The following SPRING1 variants were observed in gnomAD, a reference collection of about 807,000 sequenced individuals.
SPRING1 encodes the protein SREBP regulating gene protein.
Under a neutral mutation model 24.7 loss-of-function variants are expected in SPRING1, and 14 were observed. The observed-to-expected ratio is 0.57, with a 90% confidence interval of 0.37 to 0.88. The LOEUF is 0.88. Ranked by LOEUF, SPRING1 falls within the 40% of genes least tolerant of loss-of-function variation. The pLI is 0.00. For synonymous variants in SPRING1, 93 were observed against 106.1 expected, an observed-to-expected ratio of 0.88 and a Z score of 0.76; for missense variants, 255 against 268.4, an observed-to-expected ratio of 0.95 and a Z score of 0.35.
At chr12:116,733,945 C>T (rs1411812415) in intron 1 of SPRING1, among the ~76,000 whole-genome samples, 1 of 152,158 alleles carries the variant, frequency 6.6e-6, no homozygotes, top group African/African-American at 2.4e-5. Flanking sequence ...GGCGTGATCT[C>T]GGCTCACTGC....
At chr12:116,737,328 A>C (rs570249737) in intron 1 of SPRING1, among the ~76,000 whole-genome samples, 7 of 152,174 alleles carry the variant, frequency 4.6e-5, no homozygotes, top group Admixed American at 2.0e-4. Flanking sequence ...AAGAGGAGGA[A>C]GGGAAGGAAG....
In SPRING1 at chr12:116,716,931, C is replaced by A. The variant is rs1281254993; in HGVS notation, c.*879G>T. On this transcript the variant is annotated 3_prime_UTR_variant, in exon 5 of 5. Coordinates refer to ENST00000261318, the MANE Select transcript of SPRING1 (RefSeq NM_024738.4). ...GCCTCTGACCTTCCTGAGGCTCCCA[C>A]TGTACCCTGGCTGAGTAGCCCACAG... 1 of 152,234 alleles carries A rather than the reference C, an allele frequency of 6.6e-6. No individual in the cohort carries two copies. The highest frequency in any genetic ancestry group is 1.5e-5 in the Non-Finnish European group (1 of 68,040). The allele number at this position is 152,234 out of a possible 1,614,324, so 9.4% of individuals were successfully genotyped here. A position where few individuals can be genotyped will look rare whatever the true frequency, so the allele number is the denominator to read the frequency against.
In SPRING1 at chr12:116,733,330, G is replaced by A. The variant is rs371467210; in HGVS notation, c.111+4460C>T. Among the ~76,000 whole-genome samples the A allele has an allele frequency of 8.6e-4, 129 of 150,590 alleles. 1 individual carries two copies. Among genetic ancestry groups the A allele is most frequent in the African/African-American group, 2.9e-3 (116 of 40,264 alleles). On this transcript the variant is annotated intron_variant, in intron 1 of 4. Coordinates refer to ENST00000261318, the MANE Select transcript of SPRING1 (RefSeq NM_024738.4). ...CCTGAGTAGCTGGGACTACAGGCGC[G>A]TGCCACCAAGCCTGGTTAATTTTTT... is the stretch of plus-strand genomic sequence containing the variant.
Position 116,713,337 on chromosome 12 carries a change from G to A in SPRING1, c.*4473C>T, listed in dbSNP as rs2137023607. 6.6e-6 allele frequency: 1 copy of A among 152,372 alleles called. No individual in the cohort carries two copies. Among genetic ancestry groups the A allele is most frequent in the East Asian group, 1.9e-4 (1 of 5,194 alleles). 9.4% of individuals were successfully genotyped at this position (152,372 alleles called of 1,614,324 possible). On this transcript the variant is annotated 3_prime_UTR_variant, in exon 5 of 5. Coordinates refer to ENST00000261318, the MANE Select transcript of SPRING1 (RefSeq NM_024738.4). ...ACAAAGGCTGCTTTCATATAAAAAT[G>A]TACTGTAGTAATCAGTAAGAAAAAG... is the stretch of plus-strand genomic sequence containing the variant.
At position 116,723,105 on chromosome 12, in the gene SPRING1, T is replaced by C. The variant is rs757966863; in HGVS notation, c.230A>G (p.Asn77Ser). ...NSSRPSNQCR[N>S]SIQGKHLITD... ...GATGAGGTGCTTCCCTTGAATGGAG[T>C]TGCGGCACTGATTGCTCGGACGACT... is the stretch of plus-strand genomic sequence containing the variant. The change falls in exon 2 of 5, where the codon AAC (asparagine) becomes AGC (serine). Residue 77 changes from asparagine to serine, a missense_variant. Asn to Ser is a conservative substitution (Grantham distance 46). Transcript: ENST00000261318. 3.7e-6 allele frequency: 6 copies of C among 1,612,524 alleles called. No individual in the cohort carries two copies. The highest frequency in any genetic ancestry group is 5.1e-6 in the Non-Finnish European group (6 of 1,180,026).
chr12:116,711,568 A>C lies in SPRING1; in HGVS notation c.*6242T>G, dbSNP rs538109724. On this transcript the variant is annotated 3_prime_UTR_variant, in exon 5 of 5. Coordinates refer to ENST00000261318, the MANE Select transcript of SPRING1 (RefSeq NM_024738.4). ...AAGAATAGTGAGATGTGACCAACAT[A>C]GCCTGGAATCTTAAATTACTGATAA... The C allele has an allele frequency of 6.6e-6, 1 of 152,312 alleles. No individual in the cohort carries two copies. Among genetic ancestry groups the C allele is most frequent in the East Asian group, 1.9e-4 (1 of 5,188 alleles). The allele number at this position is 152,312 out of a possible 1,614,324, so 9.4% of individuals were successfully genotyped here. A position where few individuals can be genotyped will look rare whatever the true frequency, so the allele number is the denominator to read the frequency against.
intron 1 of SPRING1, among the ~76,000 whole-genome samples, chr12:116,736,000 C>A (rs1592926451): frequency 7.9e-6 from 1 of 126,468 alleles, no homozygotes; most frequent in Admixed American, 8.4e-5. Context: ...GAGGTCGTCC[C>A]ACTGCACTCC....
At chr12:116,721,731 T>C (rs1870445015) in intron 2 of SPRING1, among the ~76,000 whole-genome samples, 1 of 152,254 alleles carries the variant, frequency 6.6e-6, no homozygotes, top group South Asian at 2.1e-4. Context: ...ATTAAGTTAG[T>C]TAGCATTTTC....
At position 116,723,126 on chromosome 12, in the gene SPRING1, C is replaced by T. The variant is rs140114196; in HGVS notation, c.209G>A (p.Arg70His). The change falls in exon 2 of 5, where the codon CGT (arginine) becomes CAT (histidine). Residue 70 changes from arginine (R) to histidine (H), a missense_variant. Physicochemically the swap from Arg to His is conservative, Grantham distance 29 (BLOSUM62 0). Coordinates refer to ENST00000261318, the MANE Select transcript of SPRING1 (RefSeq NM_024738.4). Reference protein sequence around the residue: ...KVQFNLGNSSRPSNQCRNSIQ... With the variant: ...KVQFNLGNSSHPSNQCRNSIQ... The stretch of plus-strand genomic sequence containing the variant: ...GGAGTTGCGGCACTGATTGCTCGGA[C>T]GACTGCTATTGCCCAAGTTAAACTG... 80 of 1,612,970 alleles carry T rather than the reference C, an allele frequency of 5.0e-5. No individual in the cohort carries two copies. The highest frequency in any genetic ancestry group is 5.7e-5 in the Non-Finnish European group (67 of 1,180,034).
Position 116,720,226 on chromosome 12 carries a change from C to T in SPRING1, c.420+70G>A. On this transcript the variant is annotated intron_variant, in intron 3 of 4. Coordinates refer to ENST00000261318, the MANE Select transcript of SPRING1 (RefSeq NM_024738.4). The surrounding 1 kb of genome is among the most constrained non-coding windows in gnomAD (Gnocchi z 4.0). ...TTTCAGAGGAATCTCACATGAAGAG[C>T]CTAATGCTCATCATAAAACAGAGGC... 1 of 1,509,396 alleles carries T rather than the reference C, an allele frequency of 6.6e-7. No individual in the cohort carries two copies. Among genetic ancestry groups the T allele is most frequent in the Non-Finnish European group, 8.9e-7 (1 of 1,127,880 alleles). The allele number at this position is 1,509,396 out of a possible 1,614,324, so 93.5% of individuals were successfully genotyped here. A position where few individuals can be genotyped will look rare whatever the true frequency, so the allele number is the denominator to read the frequency against.
chr12:116,720,087 A>G lies in SPRING1; in HGVS notation c.420+209T>C. ...CATTAGATATGTGATTAGCAATACAATGATCCATTCTGCAAAAGAACCATT... is the reference window on the plus strand; with the variant it reads ...CATTAGATATGTGATTAGCAATACAGTGATCCATTCTGCAAAAGAACCATT... On this transcript the variant is annotated intron_variant, in intron 3 of 4. Coordinates refer to ENST00000261318, the MANE Select transcript of SPRING1 (RefSeq NM_024738.4). This position sits in a 1 kb window ranked among gnomAD's most constrained non-coding sequence, Gnocchi z 4.0. The G allele has an allele frequency of 1.3e-6, 1 of 743,708 alleles. No homozygotes were observed. Among genetic ancestry groups the G allele is most frequent in the East Asian group, 2.7e-5 (1 of 36,716 alleles). 46.1% of individuals were successfully genotyped at this position (743,708 alleles called of 1,614,324 possible). A position where few individuals can be genotyped will look rare whatever the true frequency, so the allele number is the denominator to read the frequency against.
chr12:116,731,590 A>T lies in SPRING1; in HGVS notation c.111+6200T>A, dbSNP rs961080950. On this transcript the variant is annotated intron_variant, in intron 1 of 4. Coordinates refer to ENST00000261318, the MANE Select transcript of SPRING1 (RefSeq NM_024738.4). ...GAGGGCCCATATCTACCAAAAAAAT[A>T]AATTAATTAATTAGCTGGGTGTGGT... Among the ~76,000 whole-genome samples the T allele has an allele frequency of 2.6e-5, 4 of 152,242 alleles. 1 individual carries two copies. In the South Asian group the frequency reaches 6.2e-4, roughly 24 times the overall value.
Position 116,736,100 on chromosome 12 carries a change from TA to T in SPRING1, c.111+1689del, listed in dbSNP as rs1309227521. ...AATTTTATGTCGTATTTTACCACAATAAAAAAAAATTGAAAAAAAAAAAAGA... is the reference window on the plus strand; with the variant it reads ...AATTTTATGTCGTATTTTACCACAATAAAAAAAATTGAAAAAAAAAAAAGA... On this transcript the variant is annotated intron_variant, in intron 1 of 4. Transcript: ENST00000261318. Among the ~76,000 whole-genome samples the T allele has an allele frequency of 2.7e-3, 81 of 29,918 alleles. No individual in the cohort carries two copies. The South Asian group carries it at 0.033, about 12-fold the overall frequency. The allele number at this position is 29,918 out of a possible 152,430, so 19.6% of individuals were successfully genotyped here.
intron 1 of SPRING1, among the ~76,000 whole-genome samples, chr12:116,733,824 T>C (rs1489282206): frequency 1.3e-5 from 2 of 152,182 alleles, no homozygotes; most frequent in African/African-American, 4.8e-5. Context: ...CCGCAACAAC[T>C]TCCAGTCCTG....
At position 116,712,563 on chromosome 12, in the gene SPRING1, C is replaced by T. The variant is rs187518605; in HGVS notation, c.*5247G>A. 96 of 152,276 alleles carry T rather than the reference C, an allele frequency of 6.3e-4. No individual in the cohort carries two copies. Among genetic ancestry groups the T allele is most frequent in the African/African-American group, 2.1e-3 (87 of 41,554 alleles). 9.4% of individuals were successfully genotyped at this position (152,276 alleles called of 1,614,324 possible). ...AGGCGGGGAAAGCTTCTCGGAGTCC[C>T]ACTATCTTCTTTGTTTTTATTGCTC... On this transcript the variant is annotated 3_prime_UTR_variant, in exon 5 of 5. Transcript: ENST00000261318.
chr12:116,733,736 T>C (rs2137046510), intron 1 of SPRING1, among the ~76,000 whole-genome samples: 1 of 152,346 alleles, frequency 6.6e-6, no homozygotes, highest in East Asian at 1.9e-4. Context: ...AGTGTGGCCC[T>C]GTGTGGACAG....
Position 116,720,340 on chromosome 12 carries a change from T to C in SPRING1, c.376A>G (p.Ser126Gly), listed in dbSNP as rs1820570227. The change falls in exon 3 of 5, where the codon AGC (serine) becomes GGC (glycine). Residue 126 changes from serine (S) to glycine (G), a missense_variant. Transcript: ENST00000261318. The surrounding 1 kb of genome is among the most constrained non-coding windows in gnomAD (Gnocchi z 4.0). ...CDGCWPNGCCSAYEYCVSCCL... is the reference protein window; with the variant it reads ...CDGCWPNGCCGAYEYCVSCCL... Reference sequence around the variant, plus strand: ...CAGGAGACACAGTACTCATAGGCGCTGCAGCAGCCGTTGGGCCAGCAGCCA... The same window carrying C: ...CAGGAGACACAGTACTCATAGGCGCCGCAGCAGCCGTTGGGCCAGCAGCCA... 1 of 1,614,100 alleles carries C rather than the reference T, an allele frequency of 6.2e-7. No homozygotes were observed. The highest frequency in any genetic ancestry group is 1.3e-5 in the African/African-American group (1 of 74,948).
At chr12:116,731,966 G>C (rs1870997126) in intron 1 of SPRING1, among the ~76,000 whole-genome samples, 1 of 152,092 alleles carries the variant, frequency 6.6e-6, no homozygotes, top group South Asian at 2.1e-4. Flanking sequence ...CATTGTATAA[G>C]CCAATGCAGG....
Position 116,717,982 on chromosome 12 carries a change from G to C in SPRING1, c.535-89C>G, listed in dbSNP as rs1210494979. The C allele has an allele frequency of 9.0e-7, 1 of 1,115,884 alleles. No homozygotes were observed. The highest frequency in any genetic ancestry group is 1.2e-6 in the Non-Finnish European group (1 of 807,930). The allele number at this position is 1,115,884 out of a possible 1,614,324, so 69.1% of individuals were successfully genotyped here. On this transcript the variant is annotated intron_variant, in intron 4 of 4. Transcript: ENST00000261318. The surrounding 1 kb of genome is among the most constrained non-coding windows in gnomAD (Gnocchi z 4.2). ...GGAAGAGTGAGAGTGGATCGGGACT[G>C]TCAGACTCTCCCTGCAGGGGGCTGG...
Sources: gnomAD v4.1 joint callset for allele counts (sites outside exome capture counted in the v4.1 genomes callset) on GRCh38, gnomAD v4.1.1 for gene constraint, Gnocchi (gnomAD v3.1) non-coding constraint, MANE v1.5 for transcripts, NCBI Gene and HGNC (gene_info 2026-07-23, HGNC 2026-07-21) for gene names.